The following DGKI variants were observed in gnomAD, a reference collection of about 807,000 sequenced individuals.
The protein encoded by DGKI is diacylglycerol kinase iota, also known as DAG kinase iota.
DGKI carries 55 observed loss-of-function variants against 147.5 expected under a neutral mutation model. The ratio of observed to expected loss-of-function variants is 0.37; its 90% CI spans 0.30 to 0.47. DGKI has a LOEUF of 0.47. Ranked by LOEUF, DGKI falls within the 20% of genes least tolerant of loss-of-function variation. The pLI is 1.00. For missense variants in DGKI, 1,007 were observed against 1,323.8 expected, an observed-to-expected ratio of 0.76 and a Z score of 3.71; for synonymous variants, 469 against 477.1, an observed-to-expected ratio of 0.98 and a Z score of 0.22.
intron 1 of DGKI, among the ~76,000 whole-genome samples, chr7:137,738,723 TTC>T (rs1051304807): frequency 3.1e-3 from 29 of 9,274 alleles, no homozygotes; most frequent in Non-Finnish European, 4.1e-3. Context: ...GAAGATGAGG[TTC>T]CCCCCCCCCC....
At chr7:137,640,341 C>T (rs1341366838) in intron 6 of DGKI, among the ~76,000 whole-genome samples, 1 of 152,178 alleles carries the variant, frequency 6.6e-6, no homozygotes, top group African/African-American at 2.4e-5. Context: ...CTTCTTGATA[C>T]TCAGCCAAGG....
intron 1 of DGKI, among the ~76,000 whole-genome samples, chr7:137,711,133 T>A (rs1047398040): frequency 5.9e-5 from 9 of 152,166 alleles, no homozygotes; most frequent in African/African-American, 2.2e-4. Context: ...CTTGGCAAGA[T>A]ATAGAGCTTA....
intron 9 of DGKI, 102 bp from the exon 10 acceptor site, chr7:137,609,166 C>G: frequency 1.2e-6 from 1 of 826,914 alleles, no homozygotes; most frequent in South Asian, 1.6e-5. Flanking sequence ...ATTTTGTTTC[C>G]CAGGGCTGAC....
chr7:137,473,140 G>T (rs890604436), intron 23 of DGKI, among the ~76,000 whole-genome samples: 29 of 152,184 alleles, frequency 1.9e-4, no homozygotes, highest in African/African-American at 6.7e-4. Flanking sequence ...TGTGTGTCTG[G>T]AGAGTTTTAT....
Position 137,384,663 on chromosome 7 carries a change from A to G in DGKI, c.*6557T>C, listed in dbSNP as rs1044523794. Reference sequence around the variant, plus strand: ...TGGGGTTGTTTTGAACCCCAACTGAAGCTCAAACATGTCAATACATCATAA... The same window carrying G: ...TGGGGTTGTTTTGAACCCCAACTGAGGCTCAAACATGTCAATACATCATAA... On this transcript the variant is annotated 3_prime_UTR_variant, in exon 33 of 33. Coordinates refer to ENST00000614521, the MANE Select transcript of DGKI (RefSeq NM_001321708.2). 2 of 152,076 alleles carry G rather than the reference A, an allele frequency of 1.3e-5. No homozygotes were observed. Among genetic ancestry groups the G allele is most frequent in the Non-Finnish European group, 2.9e-5 (2 of 67,984 alleles). The allele number at this position is 152,076 out of a possible 1,614,324, so 9.4% of individuals were successfully genotyped here. A position where few individuals can be genotyped will look rare whatever the true frequency, so the allele number is the denominator to read the frequency against.
chr7:137,640,064 T>C (rs1821569472), intron 6 of DGKI, among the ~76,000 whole-genome samples: 1 of 151,994 alleles, frequency 6.6e-6, no homozygotes, highest in Non-Finnish European at 1.5e-5. Flanking sequence ...TCAGGAAATT[T>C]TGAAGTATTC....
chr7:137,501,228 A>T (rs112698834), intron 21 of DGKI, among the ~76,000 whole-genome samples: 1,807 of 152,332 alleles, frequency 0.012, 30 homozygotes, highest in African/African-American at 0.041. Flanking sequence ...ACAATAATCT[A>T]TTGTGTATAT....
At chr7:137,815,152 C>T (rs75041457) in intron 1 of DGKI, among the ~76,000 whole-genome samples, 4,437 of 152,132 alleles carry the variant, frequency 0.029, 226 homozygotes, top group African/African-American at 0.099. Flanking sequence ...ATTTCTAGAA[C>T]CTGAATTCCT....
At chr7:137,838,691 A>T (rs75493697) in intron 1 of DGKI, among the ~76,000 whole-genome samples, 1,673 of 152,306 alleles carry the variant, frequency 0.011, 32 homozygotes, top group African/African-American at 0.038. Context: ...GGGGAAAAAA[A>T]ATGAATTCAC....
In DGKI at chr7:137,561,870, C is replaced by T. The variant is rs115881762; in HGVS notation, c.1948-9302G>A. Among the ~76,000 whole-genome samples, 348 of 152,212 alleles carry T rather than the reference C, an allele frequency of 2.3e-3. 2 individuals carry two copies. Among genetic ancestry groups the T allele is most frequent in the African/African-American group, 8.2e-3 (339 of 41,548 alleles). On this transcript the variant is annotated intron_variant, in intron 19 of 32. Transcript: ENST00000614521. ...AAAACAACTATTTAAAGAGCTAAAG[C>T]AAGACGAACAAAAACAAACCTGTCA...
intron 19 of DGKI, among the ~76,000 whole-genome samples, chr7:137,561,641 T>C (rs554169096): frequency 1.3e-5 from 2 of 152,354 alleles, no homozygotes; most frequent in East Asian, 3.9e-4. Context: ...TTGATCACTG[T>C]ACATTATATG....
intron 1 of DGKI, among the ~76,000 whole-genome samples, chr7:137,824,955 A>G (rs1417844125): frequency 6.6e-6 from 1 of 152,164 alleles, no homozygotes; most frequent in Non-Finnish European, 1.5e-5. Flanking sequence ...TATCCAGTCT[A>G]TCATTTATGG....
At chr7:137,550,400 T>C (rs1818007093) in intron 20 of DGKI, among the ~76,000 whole-genome samples, 1 of 152,266 alleles carries the variant, frequency 6.6e-6, no homozygotes, top group South Asian at 2.1e-4. Flanking sequence ...GGTCTTGAAC[T>C]CCTGGTCTCA....
At chr7:137,572,506 C>A (rs1233312603) in intron 18 of DGKI, among the ~76,000 whole-genome samples, 1 of 152,056 alleles carries the variant, frequency 6.6e-6, no homozygotes, top group Non-Finnish European at 1.5e-5. Flanking sequence ...TTAAGATGTT[C>A]CAGTCAAGAG....
chr7:137,573,561 C>G (rs376542855), intron 17 of DGKI, among the ~76,000 whole-genome samples: 1 of 152,164 alleles, frequency 6.6e-6, no homozygotes, highest in Admixed American at 6.5e-5. Flanking sequence ...CCCGCCACCA[C>G]GCCCAGCTAA....
chr7:137,617,447 T>A (rs543729028), intron 8 of DGKI, among the ~76,000 whole-genome samples: 1 of 152,118 alleles, frequency 6.6e-6, no homozygotes, highest in South Asian at 2.1e-4. Context: ...CAGGAAAAAA[T>A]TTTAAGGGAT....
chr7:137,574,580 T>C (rs1412863054), intron 17 of DGKI, among the ~76,000 whole-genome samples: 2 of 152,322 alleles, frequency 1.3e-5, no homozygotes, highest in East Asian at 3.9e-4. Context: ...TGGGAACTCA[T>C]CAAATCATAC....
At chr7:137,703,410 A>G (rs1824052669) in intron 1 of DGKI, among the ~76,000 whole-genome samples, 1 of 152,202 alleles carries the variant, frequency 6.6e-6, no homozygotes, top group South Asian at 2.1e-4. Context: ...CATGCTCAGG[A>G]AAAATCTGAG....
chr7:137,573,977 A>G (rs1185801418), intron 17 of DGKI, among the ~76,000 whole-genome samples: 1 of 152,194 alleles, frequency 6.6e-6, no homozygotes, highest in African/African-American at 2.4e-5. Flanking sequence ...CTGCTCTCGT[A>G]TTTGCTTTCC....
Sources: allele counts gnomAD v4.1 joint callset (sites outside exome capture counted in the v4.1 genomes callset), GRCh38; gene constraint gnomAD v4.1.1; transcripts MANE v1.5; gene names NCBI Gene and HGNC (gene_info 2026-07-23, HGNC 2026-07-21).